CORO2A: variants seen among roughly 807,000 people sequenced by gnomAD.
CORO2A encodes the protein coronin-2A.
In CORO2A, 47 loss-of-function variants were observed where a neutral mutation model predicts 62.4. The observed-to-expected ratio is 0.75, with a 90% CI of 0.60 to 0.96. The LOEUF (loss-of-function observed/expected upper bound fraction) is 0.96. CORO2A is among the 40% of genes least tolerant of loss of function. The probability of loss-of-function intolerance (pLI) is 0.00; values close to 1 mark genes in which losing one functional copy is unlikely to be tolerated. For synonymous variants in CORO2A, 273 were observed against 268.9 expected (o/e 1.02, Z -0.15); for missense variants, 610 against 684.1 (o/e 0.89, Z 1.21).
intron 1 of CORO2A, among the ~76,000 whole-genome samples, chr9:98,182,950 G>A (rs1200167722): frequency 1.3e-5 from 2 of 152,218 alleles, no homozygotes; most frequent in Non-Finnish European, 2.9e-5. Context: ...ATGAAATACC[G>A]CAGTAGCTTA....
At chr9:98,125,999 T>C (rs950078195) in intron 11 of CORO2A, among the ~76,000 whole-genome samples, 1 of 149,766 alleles carries the variant, frequency 6.7e-6, no homozygotes, top group African/African-American at 2.5e-5. Context: ...ATTACAGGTG[T>C]GAGCCACTGC....
At chr9:98,173,278 C>CT (rs906274323) in intron 1 of CORO2A, among the ~76,000 whole-genome samples, 6 of 152,240 alleles carry the variant, frequency 3.9e-5, no homozygotes, top group African/African-American at 9.6e-5. Context: ...AGGGGCCACT[C>CT]TTTGAGAATC....
At chr9:98,176,404 G>A (rs1186107595) in intron 1 of CORO2A, among the ~76,000 whole-genome samples, 3 of 152,124 alleles carry the variant, frequency 2.0e-5, no homozygotes, top group Non-Finnish European at 4.4e-5. Context: ...GTCTAGTGAT[G>A]GGGAGCTCAC....
chr9:98,191,744 C>T (rs1402066059), intron 1 of CORO2A, among the ~76,000 whole-genome samples: 1 of 152,208 alleles, frequency 6.6e-6, no homozygotes, highest in Non-Finnish European at 1.5e-5. Context: ...CACGCGGACA[C>T]AGCACCTTGG....
At chr9:98,133,544 C>T (rs561557744) in intron 4 of CORO2A, among the ~76,000 whole-genome samples, 1 of 152,304 alleles carries the variant, frequency 6.6e-6, no homozygotes, top group East Asian at 1.9e-4. Flanking sequence ...TCCCACAGAT[C>T]AACAGGGCTG....
At chr9:98,132,896 G>C in intron 5 of CORO2A, 142 bp downstream of exon 5, 2 of 928,080 alleles carry the variant, frequency 2.2e-6, no homozygotes, top group South Asian at 1.7e-5. Flanking sequence ...CAGCAATCCC[G>C]AGAGGACAGA....
chr9:98,128,571 C>T (rs1827360670), intron 9 of CORO2A, 36 bp downstream of exon 9: 1 of 1,582,522 alleles, frequency 6.3e-7, no homozygotes, highest in Admixed American at 1.7e-5. Flanking sequence ...GGACAGGTTC[C>T]CCACCTGCCT....
chr9:98,190,497 C>T (rs984118676), intron 1 of CORO2A, among the ~76,000 whole-genome samples: 4 of 151,916 alleles, frequency 2.6e-5, no homozygotes, highest in African/African-American at 9.7e-5. Context: ...AATCAGGATC[C>T]CTGGGCTCGG....
Position 98,128,243 on chromosome 9 carries a change from C to G in CORO2A, c.1098G>C (p.Glu366Asp). 6.2e-7 allele frequency: 1 copy of G among 1,612,938 alleles called. No homozygotes were observed. Among genetic ancestry groups the G allele is most frequent in the South Asian group, 1.1e-5 (1 of 90,876 alleles). Residue 366 changes from glutamate to aspartate, a missense_variant, in exon 10 of 12, where the codon GAG (glutamate) becomes GAC (aspartate). Coordinates refer to ENST00000375077, the MANE Select transcript of CORO2A (RefSeq NM_052820.4). ...IVPRRSESYQ[E>D]DIYPPTAGAQ... The stretch of plus-strand genomic sequence containing the variant: ...CCCCTGCTGTTGGAGGGTATATGTC[C>G]TCTTGGTAGGATTCTGACTGCAGGA...
intron 1 of CORO2A, among the ~76,000 whole-genome samples, chr9:98,176,762 C>T (rs149006038): frequency 6.0e-4 from 91 of 152,244 alleles, no homozygotes; most frequent in African/African-American, 1.7e-3. Flanking sequence ...CCAGATGTCA[C>T]ATCTCAGAAC....
intron 3 of CORO2A, among the ~76,000 whole-genome samples, chr9:98,135,574 T>G (rs1168065904): frequency 6.6e-6 from 1 of 152,062 alleles, no homozygotes; most frequent in East Asian, 1.9e-4. Context: ...AGTAGTGTTG[T>G]CTGAAGATGG....
At chr9:98,152,504 G>A (rs74627629) in intron 2 of CORO2A, among the ~76,000 whole-genome samples, 117 of 152,056 alleles carry the variant, frequency 7.7e-4, no homozygotes, top group African/African-American at 2.7e-3. Flanking sequence ...TGCTGGTCTC[G>A]AACTCCTGGG....
At chr9:98,160,131 T>C (rs548403239) in intron 1 of CORO2A, among the ~76,000 whole-genome samples, 291 of 152,270 alleles carry the variant, frequency 1.9e-3, no homozygotes, top group Middle Eastern at 6.8e-3. Flanking sequence ...TTTCGGGAGC[T>C]TTGCCCTAAA....
chr9:98,170,691 C>T (rs1588010993), intron 1 of CORO2A, among the ~76,000 whole-genome samples: 2 of 152,198 alleles, frequency 1.3e-5, no homozygotes, highest in Admixed American at 1.3e-4. Context: ...TATCTGCCCA[C>T]CTTGGCCTCC....
intron 1 of CORO2A, among the ~76,000 whole-genome samples, chr9:98,162,016 G>C (rs1046242881): frequency 1.3e-5 from 2 of 152,184 alleles, no homozygotes; most frequent in African/African-American, 2.4e-5. Flanking sequence ...GCAATAAGAA[G>C]TCATGGTTTT....
At chr9:98,133,272 A>G in intron 4 of CORO2A, 55 bp from the exon 5 acceptor site, 2 of 1,552,222 alleles carry the variant, frequency 1.3e-6, no homozygotes, top group Non-Finnish European at 1.8e-6. Context: ...CCTGGGCCTC[A>G]TAGTTACATG....
intron 1 of CORO2A, among the ~76,000 whole-genome samples, chr9:98,165,170 G>T (rs1827942428): frequency 6.6e-6 from 1 of 152,122 alleles, no homozygotes. Flanking sequence ...CTGTTGCCAG[G>T]CTGGTCTTGA....
intron 1 of CORO2A, among the ~76,000 whole-genome samples, chr9:98,165,967 A>G (rs1827955496): frequency 6.6e-6 from 1 of 152,202 alleles, no homozygotes; most frequent in South Asian, 2.1e-4. Context: ...GCAATACCTG[A>G]ACCCACTGCC....
At chr9:98,166,659 C>T (rs1827965188) in intron 1 of CORO2A, among the ~76,000 whole-genome samples, 1 of 152,186 alleles carries the variant, frequency 6.6e-6, no homozygotes. Context: ...AGCAACTCCA[C>T]TTCTGGAATA....
Sources: allele counts gnomAD v4.1 joint callset (sites outside exome capture counted in the v4.1 genomes callset), GRCh38; gene constraint gnomAD v4.1.1; transcripts MANE v1.5; gene names NCBI Gene and HGNC (gene_info 2026-07-23, HGNC 2026-07-21).